PI4KA: variants seen among roughly 807,000 people sequenced by gnomAD.
The protein encoded by PI4KA is phosphatidylinositol 4-kinase alpha, also known as PI4-kinase alpha.
PI4KA carries 122 observed loss-of-function variants against 271.4 expected under a neutral mutation model. That is an observed-to-expected ratio of 0.45 (90% CI 0.39 to 0.52). The LOEUF is 0.52. PI4KA is among the 20% of genes least tolerant of loss of function. PI4KA has a pLI of 0.00. For synonymous variants in PI4KA, 1,041 were observed against 1,078.8 expected (o/e 0.96, Z 0.69); for missense variants, 1,969 against 2,769.1 (o/e 0.71, Z 6.48).
intron 23 of PI4KA, among the ~76,000 whole-genome samples, chr22:20,758,458 TC>T (rs1299064288): frequency 1.8e-4 from 23 of 128,480 alleles, no homozygotes; most frequent in Non-Finnish European, 2.8e-4. Context: ...TTCTTTCTTT[TC>T]TTTTTTTTTT....
intron 19 of PI4KA, among the ~76,000 whole-genome samples, chr22:20,772,195 C>G (rs1932903794): frequency 6.6e-6 from 1 of 152,226 alleles, no homozygotes; most frequent in African/African-American, 2.4e-5. Flanking sequence ...GAGCAGAATA[C>G]TGAGAGCTGG....
intron 1 of PI4KA, among the ~76,000 whole-genome samples, chr22:20,856,318 A>C (rs1037057508): frequency 5.3e-5 from 8 of 152,154 alleles, no homozygotes; most frequent in African/African-American, 1.7e-4. Flanking sequence ...TCTCAAAAAA[A>C]CCAAAAAAGT....
At chr22:20,798,389 C>T (rs935105588) in intron 17 of PI4KA, 195 bp downstream of exon 17, 18 of 565,806 alleles carry the variant, frequency 3.2e-5, no homozygotes, top group Non-Finnish European at 5.4e-5. Flanking sequence ...AGACCTCGTG[C>T]GCTGAGATGC....
At chr22:20,748,552 G>A (rs1383524925) in intron 28 of PI4KA, among the ~76,000 whole-genome samples, 3 of 152,218 alleles carry the variant, frequency 2.0e-5, no homozygotes, top group African/African-American at 7.2e-5. Context: ...GACCACAGGG[G>A]GCTCAGCCTG....
rs362174 is a variant in PI4KA, at chr22:20,790,699, AACACACACACACACAC to A, written c.2328+2478_2328+2493del. 7.2e-3 allele frequency among the ~76,000 whole-genome samples: 1,008 copies of A among 139,390 alleles called. 10 individuals carry two copies. The highest frequency in any genetic ancestry group is 0.024 in the African/African-American group (900 of 37,558). The allele number at this position is 139,390 out of a possible 152,430, so 91.4% of individuals were successfully genotyped here. The stretch of plus-strand genomic sequence containing the variant: ...AAAATAAAAAAATTTAAAAAAAACA[AACACACACACACACAC>A]ACACACACACACACACACACACACA... On this transcript the variant is annotated intron_variant, in intron 19 of 54. Transcript: ENST00000255882.
chr22:20,825,766 G>C (rs1358481582), intron 3 of PI4KA, among the ~76,000 whole-genome samples: 1 of 152,098 alleles, frequency 6.6e-6, no homozygotes, highest in East Asian at 1.9e-4. Flanking sequence ...GGGTACATAC[G>C]CAGTTTTGTT....
In PI4KA at chr22:20,733,209, T is replaced by C; in HGVS notation, c.4161-111A>G. The C allele has an allele frequency of 7.1e-6, 9 of 1,264,396 alleles. No homozygotes were observed. The Admixed American group carries it at 1.5e-4, about 22-fold the overall frequency. 78.3% of individuals were successfully genotyped at this position (1,264,396 alleles called of 1,614,324 possible). On this transcript the variant is annotated intron_variant, in intron 35 of 54. Transcript: ENST00000255882. Reference sequence around the variant, plus strand: ...CAGACAGTTTCTTAATGACAAAAGGTCAGCCCAAAGCCAGTCATTAGCAAG... The same window carrying C: ...CAGACAGTTTCTTAATGACAAAAGGCCAGCCCAAAGCCAGTCATTAGCAAG...
intron 36 of PI4KA, among the ~76,000 whole-genome samples, chr22:20,731,020 A>G (rs1199897940): frequency 6.6e-6 from 1 of 152,076 alleles, no homozygotes; most frequent in Non-Finnish European, 1.5e-5. Context: ...CTCTACAACA[A>G]CAATAAAAAT....
chr22:20,758,320 G>A (rs1262721444), intron 23 of PI4KA, among the ~76,000 whole-genome samples: 1 of 125,336 alleles, frequency 8.0e-6, no homozygotes, highest in Non-Finnish European at 1.6e-5. Context: ...AGCTGAGATC[G>A]TTCCACTGCA....
chr22:20,812,801 C>A (rs562589383), intron 8 of PI4KA, among the ~76,000 whole-genome samples: 2 of 152,280 alleles, frequency 1.3e-5, no homozygotes, highest in African/African-American at 4.8e-5. Flanking sequence ...AGTGATCCGC[C>A]CACTTTGGCC....
At chr22:20,856,347 A>G (rs1601631884) in intron 1 of PI4KA, among the ~76,000 whole-genome samples, 2 of 152,190 alleles carry the variant, frequency 1.3e-5, no homozygotes, top group Non-Finnish European at 2.9e-5. Context: ...AATGTTGCCA[A>G]TGAGACTGAA....
intron 19 of PI4KA, among the ~76,000 whole-genome samples, chr22:20,771,462 G>A (rs760532329): frequency 6.6e-6 from 1 of 151,828 alleles, no homozygotes; most frequent in Non-Finnish European, 1.5e-5. Flanking sequence ...ACCACTAAAT[G>A]GGAAAATGAC....
Position 20,712,657 on chromosome 22 carries a change from C to A in PI4KA, c.5676+36G>T, listed in dbSNP as rs200656183. ...TGAGGCCCGCTGGGTGCGAGGTGCCCAGGGCTGCCCTACTGGCTCCACTCA... is the reference window on the plus strand; with the variant it reads ...TGAGGCCCGCTGGGTGCGAGGTGCCAAGGGCTGCCCTACTGGCTCCACTCA... On this transcript the variant is annotated intron_variant, in intron 49 of 54. Transcript: ENST00000255882. 2.0e-4 allele frequency: 313 copies of A among 1,555,076 alleles called. 10 individuals carry two copies. Among genetic ancestry groups the A allele is most frequent in the Non-Finnish European group, 2.2e-4 (250 of 1,144,394 alleles).
At chr22:20,766,699 C>T (rs1450519502) in intron 19 of PI4KA, among the ~76,000 whole-genome samples, 1 of 152,098 alleles carries the variant, frequency 6.6e-6, no homozygotes, top group South Asian at 2.1e-4. Context: ...TGCACGATGC[C>T]CAGCTGGACA....
chr22:20,717,031 G>A (rs1926088336), intron 45 of PI4KA, among the ~76,000 whole-genome samples: 1 of 152,142 alleles, frequency 6.6e-6, no homozygotes, highest in Non-Finnish European at 1.5e-5. Context: ...AGATCACAAG[G>A]TCAGGAGATT....
At chr22:20,850,680 G>C (rs1407821943) in intron 1 of PI4KA, among the ~76,000 whole-genome samples, 1 of 151,672 alleles carries the variant, frequency 6.6e-6, no homozygotes, top group Non-Finnish European at 1.5e-5. Flanking sequence ...CTCGTGATCC[G>C]CCCGCCTCGG....
intron 19 of PI4KA, chr22:20,787,127 C>A (rs1934310185): frequency 2.1e-6 from 3 of 1,417,422 alleles, no homozygotes; most frequent in Non-Finnish European, 2.0e-6. Context: ...TCCATTCCAA[C>A]AACGAGAACA....
chr22:20,779,807 T>G, intron 19 of PI4KA: 2 of 1,614,236 alleles, frequency 1.2e-6, no homozygotes, highest in Non-Finnish European at 1.7e-6. Flanking sequence ...TGGGTATGAT[T>G]TCCTTAGGTC....
chr22:20,763,405 C>T (rs1180371933), intron 22 of PI4KA, among the ~76,000 whole-genome samples: 4 of 151,200 alleles, frequency 2.6e-5, no homozygotes, highest in Non-Finnish European at 4.4e-5. Context: ...CCACTGCAAC[C>T]GGCCGTGCCT....
Sources: allele counts gnomAD v4.1 joint callset (sites outside exome capture counted in the v4.1 genomes callset), GRCh38; gene constraint gnomAD v4.1.1; transcripts MANE v1.5; gene names NCBI Gene and HGNC (gene_info 2026-07-23, HGNC 2026-07-21).